Variants in PRKN observed in about 807,000 individuals in gnomAD.
The protein encoded by PRKN is E3 ubiquitin-protein ligase parkin.
PRKN carries 56 observed loss-of-function variants against 59.5 expected under a neutral mutation model. The ratio of observed to expected loss-of-function variants is 0.94; its 90% CI spans 0.76 to 1.18. The LOEUF (loss-of-function observed/expected upper bound fraction) is 1.18. Ranked by LOEUF, PRKN falls within the 50% of genes most tolerant of loss-of-function variation. The probability of loss-of-function intolerance (pLI) is 0.00; values close to 1 mark genes in which losing one functional copy is unlikely to be tolerated. For synonymous variants in PRKN, 250 were observed against 222.1 expected (o/e 1.13, Z -1.12); for missense variants, 657 against 596.4 (o/e 1.10, Z -1.06).
chr6:162,206,850 C>G (rs1212097454), intron 3 of PRKN, among the ~76,000 whole-genome samples: 1 of 152,206 alleles, frequency 6.6e-6, no homozygotes, highest in African/African-American at 2.4e-5. Context: ...AGGACACAAC[C>G]AGTATGTACC....
Position 161,596,182 on chromosome 6 carries a change from G to C in PRKN, c.872-26766C>G, listed in dbSNP as rs557217672. On this transcript the variant is annotated intron_variant, in intron 7 of 11. Transcript: ENST00000366898. The stretch of plus-strand genomic sequence containing the variant: ...GACACATTCTTGGCACGTTCCCCTT[G>C]AGCATGAGGCAGAACGCAACTGCCT... Among the ~76,000 whole-genome samples the C allele has an allele frequency of 2.0e-5, 3 of 152,238 alleles. No homozygotes were observed. In the East Asian group the frequency reaches 5.8e-4, roughly 29 times the overall value.
intron 5 of PRKN, among the ~76,000 whole-genome samples, chr6:162,009,186 G>A (rs1322200663): frequency 6.6e-6 from 1 of 151,874 alleles, no homozygotes; most frequent in East Asian, 1.9e-4. Context: ...CCGGGAGGTG[G>A]AGGTTGCAGT....
rs1788506284 is a variant in PRKN, at chr6:161,428,699, C to A, written c.1084-41822G>T. ...TTCACACATATAATAAAGCTCACAACCAAAAAAAGCACATTCACATTTTTT... is the reference window on the plus strand; with the variant it reads ...TTCACACATATAATAAAGCTCACAAACAAAAAAAGCACATTCACATTTTTT... On this transcript the variant is annotated intron_variant, in intron 9 of 11. Coordinates refer to ENST00000366898, the MANE Select transcript of PRKN (RefSeq NM_004562.3). This position sits in a 1 kb window ranked among gnomAD's most constrained non-coding sequence, Gnocchi z 4.0. Among the ~76,000 whole-genome samples, 1 of 152,112 alleles carries A rather than the reference C, an allele frequency of 6.6e-6. No homozygotes were observed. Among genetic ancestry groups the A allele is most frequent in the East Asian group, 1.9e-4 (1 of 5,198 alleles).
At chr6:162,322,594 T>C (rs1433535775) in intron 2 of PRKN, among the ~76,000 whole-genome samples, 1 of 152,040 alleles carries the variant, frequency 6.6e-6, no homozygotes, top group Non-Finnish European at 1.5e-5. Flanking sequence ...GATAAATAAA[T>C]ATATCAATGG....
At chr6:162,479,302 T>G (rs1365802476) in intron 1 of PRKN, among the ~76,000 whole-genome samples, 1 of 152,086 alleles carries the variant, frequency 6.6e-6, no homozygotes, top group Non-Finnish European at 1.5e-5. Flanking sequence ...CTTGGCTCAC[T>G]GAAACCTCTG....
intron 3 of PRKN, among the ~76,000 whole-genome samples, chr6:162,244,253 G>A (rs542279953): frequency 2.6e-4 from 39 of 152,180 alleles, no homozygotes; most frequent in African/African-American, 9.4e-4. Flanking sequence ...GGAATTCCCA[G>A]GGAGGTGATG....
At chr6:162,514,164 A>T (rs1237130929) in intron 1 of PRKN, among the ~76,000 whole-genome samples, 1 of 152,202 alleles carries the variant, frequency 6.6e-6, no homozygotes, top group African/African-American at 2.4e-5. Flanking sequence ...AAAAAATATA[A>T]AATATGAAAA....
chr6:161,913,664 T>C (rs1188237355), intron 6 of PRKN, among the ~76,000 whole-genome samples: 1 of 152,234 alleles, frequency 6.6e-6, no homozygotes, highest in Non-Finnish European at 1.5e-5. Context: ...ATATAATTTC[T>C]AACAATATAT....
chr6:161,453,108 T>A (rs1009649903), intron 9 of PRKN, among the ~76,000 whole-genome samples: 3 of 152,168 alleles, frequency 2.0e-5, no homozygotes, highest in African/African-American at 7.2e-5. Context: ...CTAAGGCCAT[T>A]CATTCCCACA....
chr6:162,295,108 G>A (rs1781606750), intron 2 of PRKN, among the ~76,000 whole-genome samples: 1 of 152,200 alleles, frequency 6.6e-6, no homozygotes, highest in South Asian at 2.1e-4. Context: ...ATCTGTGTGA[G>A]AAGCGGCATG....
intron 1 of PRKN, among the ~76,000 whole-genome samples, chr6:162,622,887 T>C (rs1782733069): frequency 6.6e-6 from 1 of 152,146 alleles, no homozygotes; most frequent in South Asian, 2.1e-4. Flanking sequence ...CCTCCCTTTT[T>C]TACACGTGAA....
intron 1 of PRKN, among the ~76,000 whole-genome samples, chr6:162,691,339 A>T (rs2128235116): frequency 6.6e-6 from 1 of 152,344 alleles, no homozygotes; most frequent in South Asian, 2.1e-4. Context: ...TTAGTTAAAA[A>T]TACATTACAC....
intron 1 of PRKN, among the ~76,000 whole-genome samples, chr6:162,657,274 T>C (rs1053478878): frequency 1.3e-4 from 20 of 152,192 alleles, no homozygotes; most frequent in Admixed American, 6.5e-5. Context: ...ATTTTGTATA[T>C]TATATATAGT....
intron 6 of PRKN, among the ~76,000 whole-genome samples, chr6:161,847,183 C>T (rs1793234826): frequency 6.6e-6 from 1 of 152,142 alleles, no homozygotes; most frequent in African/African-American, 2.4e-5. Context: ...TGGCGGGTGC[C>T]TGTAGTCCCA....
chr6:161,840,681 C>T (rs1196300805), intron 6 of PRKN, among the ~76,000 whole-genome samples: 1 of 152,092 alleles, frequency 6.6e-6, no homozygotes, highest in Non-Finnish European at 1.5e-5. Flanking sequence ...ATTTAGCCCT[C>T]ACTTATAAGT....
At chr6:162,380,966 C>T (rs554366809) in intron 2 of PRKN, among the ~76,000 whole-genome samples, 4 of 152,190 alleles carry the variant, frequency 2.6e-5, no homozygotes, top group Non-Finnish European at 4.4e-5. Flanking sequence ...GAGTGGCCGC[C>T]GTGGTCCAGA....
At chr6:161,665,065 C>G (rs186621648) in intron 7 of PRKN, among the ~76,000 whole-genome samples, 1 of 152,014 alleles carries the variant, frequency 6.6e-6, no homozygotes, top group Non-Finnish European at 1.5e-5. Context: ...GGATTACAGG[C>G]GTAAGCCACC....
chr6:161,349,331 G>A lies in PRKN; in HGVS notation c.*768C>T, dbSNP rs1784434106. The stretch of plus-strand genomic sequence containing the variant: ...TTCAGAAAAACAATTTCTTTCTAAA[G>A]TTGCAAATCATGAAAGGGAATGAAA... On this transcript the variant is annotated 3_prime_UTR_variant, in exon 12 of 12. Coordinates refer to ENST00000366898, the MANE Select transcript of PRKN (RefSeq NM_004562.3). This position sits in a 1 kb window ranked among gnomAD's most constrained non-coding sequence, Gnocchi z 5.5. 4.4e-6 allele frequency: 1 copy of A among 229,420 alleles called. No individual in the cohort carries two copies. Among genetic ancestry groups the A allele is most frequent in the Non-Finnish European group, 8.6e-6 (1 of 115,832 alleles). The allele number at this position is 229,420 out of a possible 1,614,324, so 14.2% of individuals were successfully genotyped here.
At chr6:161,782,719 C>T (rs1464782672) in intron 7 of PRKN, among the ~76,000 whole-genome samples, 1 of 151,890 alleles carries the variant, frequency 6.6e-6, no homozygotes, top group African/African-American at 2.4e-5. Flanking sequence ...CATGGCGAAA[C>T]CCCATCTCTA....
Sources: gnomAD v4.1 joint callset for allele counts (sites outside exome capture counted in the v4.1 genomes callset) on GRCh38, gnomAD v4.1.1 for gene constraint, Gnocchi (gnomAD v3.1) non-coding constraint, MANE v1.5 for transcripts, NCBI Gene and HGNC (gene_info 2026-07-23, HGNC 2026-07-21) for gene names.